The following TBC1D19 variants were observed in gnomAD, a reference collection of about 807,000 sequenced individuals.
The protein encoded by TBC1D19 is TBC1 domain family, member 19.
TBC1D19 carries 60 observed loss-of-function variants against 89.0 expected under a neutral mutation model. That is an observed-to-expected ratio of 0.67 (90% CI 0.55 to 0.84). The LOEUF is 0.84. Ranked by LOEUF, TBC1D19 falls within the 40% of genes least tolerant of loss-of-function variation. The pLI is 0.00. For synonymous variants in TBC1D19, 189 were observed against 199.7 expected (o/e 0.95, Z 0.45); for missense variants, 500 against 610.8 (o/e 0.82, Z 1.91).
At chr4:26,837,748 G>C in the TBC1D19 span, among the ~76,000 whole-genome samples, 1 of 152,178 alleles carries the variant, frequency 6.6e-6, no homozygotes, top group South Asian at 2.1e-4. Flanking sequence ...GAGTAGAGAA[G>C]CCAGACCTAC....
chr4:26,684,460 G>A (rs1713637451), intron 12 of TBC1D19, among the ~76,000 whole-genome samples: 1 of 152,110 alleles, frequency 6.6e-6, no homozygotes, highest in Non-Finnish European at 1.5e-5. Flanking sequence ...CTTTAGTCCT[G>A]TCACATAGGT....
chr4:26,699,050 A>G (rs1269952314), intron 13 of TBC1D19, among the ~76,000 whole-genome samples: 1 of 152,262 alleles, frequency 6.6e-6, no homozygotes, highest in Non-Finnish European at 1.5e-5. Flanking sequence ...GCACAGCAAA[A>G]GAAACTACCA....
intron 7 of TBC1D19, among the ~76,000 whole-genome samples, chr4:26,647,248 G>A (rs938439925): frequency 5.9e-5 from 9 of 152,178 alleles, no homozygotes; most frequent in African/African-American, 1.7e-4. Context: ...AGAGGATACA[G>A]GAGGAGGAAC....
chr4:26,766,976 A>G, the TBC1D19 span, among the ~76,000 whole-genome samples: 4 of 152,216 alleles, frequency 2.6e-5, no homozygotes, highest in Non-Finnish European at 5.9e-5. Flanking sequence ...AAGACACATC[A>G]GAAGTGCTCT....
chr4:26,818,367 A>G, the TBC1D19 span, among the ~76,000 whole-genome samples: 7 of 152,092 alleles, frequency 4.6e-5, no homozygotes, highest in African/African-American at 1.7e-4. Context: ...AGCTGAAACT[A>G]CAGGCATGCA....
intron 13 of TBC1D19, among the ~76,000 whole-genome samples, chr4:26,714,093 C>T (rs1057154692): frequency 1.3e-5 from 2 of 152,076 alleles, no homozygotes; most frequent in Admixed American, 1.3e-4. Flanking sequence ...CGCCTGTAAT[C>T]CCAGCACTTT....
chr4:26,780,361 C>T, the TBC1D19 span, among the ~76,000 whole-genome samples: 1 of 152,204 alleles, frequency 6.6e-6, no homozygotes, highest in Non-Finnish European at 1.5e-5. Context: ...TGCGGAATAA[C>T]ACTTTTCACC....
intron 8 of TBC1D19, among the ~76,000 whole-genome samples, chr4:26,663,459 A>G (rs980973305): frequency 3.3e-5 from 5 of 152,178 alleles, no homozygotes; most frequent in Non-Finnish European, 5.9e-5. Flanking sequence ...ATATTAGGTG[A>G]TGACACTCTG....
intron 17 of TBC1D19, chr4:26,740,931 G>A: frequency 1.0e-6 from 1 of 985,372 alleles, no homozygotes; most frequent in Non-Finnish European, 1.2e-6. Context: ...ATTCCAGGAT[G>A]TTACAGATAA....
intron 1 of TBC1D19, among the ~76,000 whole-genome samples, chr4:26,609,655 T>C (rs1205360952): frequency 6.6e-6 from 1 of 152,118 alleles, no homozygotes; most frequent in Non-Finnish European, 1.5e-5. Context: ...TTTGTAGAGA[T>C]AAGTTGGGTC....
At chr4:26,686,051 T>C (rs1713782706) in intron 12 of TBC1D19, among the ~76,000 whole-genome samples, 1 of 152,200 alleles carries the variant, frequency 6.6e-6, no homozygotes, top group African/African-American at 2.4e-5. Flanking sequence ...TATCTGTCTC[T>C]GGTTATTTTT....
the TBC1D19 span, among the ~76,000 whole-genome samples, chr4:26,817,294 C>T: frequency 2.0e-5 from 3 of 152,124 alleles, no homozygotes; most frequent in Admixed American, 1.3e-4. Context: ...CGCACCCCGC[C>T]GGCAGCTTAG....
At chr4:26,610,658 TG>T (rs749643054) in intron 1 of TBC1D19, among the ~76,000 whole-genome samples, 79 of 152,162 alleles carry the variant, frequency 5.2e-4, no homozygotes, top group African/African-American at 1.9e-3. Flanking sequence ...TGTGTCCATG[TG>T]TACTCAATGT....
chr4:26,727,967 C>G (rs75317254), intron 15 of TBC1D19, among the ~76,000 whole-genome samples: 96 of 152,224 alleles, frequency 6.3e-4, no homozygotes, highest in Non-Finnish European at 1.1e-3. Flanking sequence ...TAAAGAGAAG[C>G]TATAGATTTC....
At chr4:26,844,206 G>A in the TBC1D19 span, among the ~76,000 whole-genome samples, 1 of 152,238 alleles carries the variant, frequency 6.6e-6, no homozygotes, top group Non-Finnish European at 1.5e-5. Flanking sequence ...GTACTTCAAC[G>A]TCATCCCAGA....
At chr4:26,624,810 T>C (rs1742289861) in intron 4 of TBC1D19, among the ~76,000 whole-genome samples, 1 of 152,130 alleles carries the variant, frequency 6.6e-6, no homozygotes, top group South Asian at 2.1e-4. Context: ...CAAGGTTTAG[T>C]AATTGAAATA....
intron 4 of TBC1D19, among the ~76,000 whole-genome samples, chr4:26,623,882 A>C (rs1261397204): frequency 6.6e-6 from 1 of 152,064 alleles, no homozygotes; most frequent in Non-Finnish European, 1.5e-5. Flanking sequence ...ATACCTCCCA[A>C]CTTTCAGTCT....
At chr4:26,753,573 T>A (rs994890117) in intron 19 of TBC1D19, among the ~76,000 whole-genome samples, 1 of 152,270 alleles carries the variant, frequency 6.6e-6, no homozygotes, top group African/African-American at 2.4e-5. Context: ...GGCTTTTTTT[T>A]AAGAACACTG....
chr4:26,579,707 T>C (rs1027412239), upstream of TBC1D19, among the ~76,000 whole-genome samples: 31 of 150,432 alleles, frequency 2.1e-4, no homozygotes, highest in African/African-American at 7.3e-4. Flanking sequence ...CCCCTAGCTG[T>C]GTCCATGTGT....
Sources: allele counts gnomAD v4.1 joint callset (sites outside exome capture counted in the v4.1 genomes callset), GRCh38; gene constraint gnomAD v4.1.1; transcripts MANE v1.5; gene names NCBI Gene and HGNC (gene_info 2026-07-23, HGNC 2026-07-21).